Variants in BACH2 observed in about 807,000 individuals in gnomAD.
BACH2 encodes transcription regulator protein BACH2.
BACH2 carries 5 observed loss-of-function variants against 61.8 expected under a neutral mutation model. That is an observed-to-expected ratio of 0.08 (90% confidence interval 0.04 to 0.17). The LOEUF is 0.17. Among genes scored for constraint, BACH2 ranks in the 10% least tolerant of loss-of-function variants. BACH2 has a pLI of 1.00. For missense variants in BACH2, 824 were observed against 1,091.1 expected, an observed-to-expected ratio of 0.76 and a Z score of 3.45; for synonymous variants, 446 against 440.1, an observed-to-expected ratio of 1.01 and a Z score of -0.17.
chr6:90,195,516 C>G (rs1768727840), intron 4 of BACH2, among the ~76,000 whole-genome samples: 1 of 151,542 alleles, frequency 6.6e-6, no homozygotes, highest in Admixed American at 6.6e-5. Context: ...TCTGTGAGAT[C>G]AAAGCCAGCG....
intron 3 of BACH2, among the ~76,000 whole-genome samples, chr6:90,207,269 C>T (rs529016246): frequency 1.4e-3 from 208 of 152,120 alleles, no homozygotes; most frequent in African/African-American, 4.0e-3. Context: ...CAGGCGTGCA[C>T]CACTATGTCC....
intron 4 of BACH2, among the ~76,000 whole-genome samples, chr6:90,158,000 C>T (rs994304915): frequency 2.6e-5 from 4 of 151,942 alleles, no homozygotes; most frequent in Admixed American, 6.6e-5. Context: ...GTCATGAGAG[C>T]GTTAACTGAG....
intron 5 of BACH2, among the ~76,000 whole-genome samples, chr6:90,079,477 C>T (rs1237852429): frequency 6.6e-6 from 1 of 152,162 alleles, no homozygotes; most frequent in East Asian, 1.9e-4. Context: ...TTCTTTCTTC[C>T]TTCCATCAAC....
intron 2 of BACH2, among the ~76,000 whole-genome samples, chr6:90,271,374 AAAAAAAAAG>A (rs1416543922): frequency 8.0e-5 from 12 of 150,740 alleles, no homozygotes; most frequent in Non-Finnish European, 1.5e-4. Context: ...TTTAAAAAAA[AAAAAAAAAG>A]AAAAAAGAAA....
chr6:90,190,322 A>G lies in BACH2; in HGVS notation c.-162+16247T>C, dbSNP rs1189943796. Among the ~76,000 whole-genome samples, 12 of 152,240 alleles carry G rather than the reference A, an allele frequency of 7.9e-5. No individual in the cohort carries two copies. In the East Asian group the frequency reaches 2.1e-3, roughly 27 times the overall value. On this transcript the variant is annotated intron_variant, in intron 4 of 8. Transcript: ENST00000257749. The stretch of plus-strand genomic sequence containing the variant: ...AAAGTGCTATTTTAAATGACTCTTT[A>G]AGCTACCATTACAGATAACTGTAAG...
intron 1 of BACH2, among the ~76,000 whole-genome samples, chr6:90,284,467 A>G (rs1771956420): frequency 6.6e-6 from 1 of 152,186 alleles, no homozygotes; most frequent in Non-Finnish European, 1.5e-5. Context: ...TCCGCAATAG[A>G]TGCTGTGTAG....
intron 5 of BACH2, among the ~76,000 whole-genome samples, chr6:90,021,578 C>T (rs1778379203): frequency 6.6e-6 from 1 of 152,106 alleles, no homozygotes; most frequent in South Asian, 2.1e-4. Context: ...AATTCCTGCT[C>T]TTATAAAACA....
chr6:89,962,512 C>T (rs947561988), intron 6 of BACH2, among the ~76,000 whole-genome samples: 8 of 152,228 alleles, frequency 5.3e-5, no homozygotes, highest in East Asian at 1.9e-4. Context: ...TTCTTGAACG[C>T]CTTATTTGTG....
At chr6:89,973,437 T>C (rs1210659378) in intron 6 of BACH2, among the ~76,000 whole-genome samples, 2 of 152,202 alleles carry the variant, frequency 1.3e-5, no homozygotes, top group Admixed American at 6.5e-5. Flanking sequence ...ACCAGTTCTA[T>C]GACCAGGGTC....
At chr6:90,006,986 A>G (rs900435207) in intron 6 of BACH2, among the ~76,000 whole-genome samples, 1 of 152,150 alleles carries the variant, frequency 6.6e-6, no homozygotes, top group African/African-American at 2.4e-5. Context: ...TTGCTTAACA[A>G]GGGTCTGGGA....
chr6:90,222,147 AC>A (rs1769757135), intron 3 of BACH2, among the ~76,000 whole-genome samples: 3 of 152,340 alleles, frequency 2.0e-5, no homozygotes, highest in Admixed American at 2.0e-4. Context: ...TTCTACACTT[AC>A]GGCACATCTC....
intron 5 of BACH2, among the ~76,000 whole-genome samples, chr6:90,011,339 A>G (rs1777696338): frequency 6.6e-6 from 1 of 152,152 alleles, no homozygotes; most frequent in Non-Finnish European, 1.5e-5. Flanking sequence ...TTGTATTTTT[A>G]CTGAAAATCA....
rs1289791953 is a variant in BACH2 at position 89,927,376 on chromosome 6, A to T, written c.*5032T>A. 6.5e-6 allele frequency: 1 copy of T among 152,838 alleles called. No individual in the cohort carries two copies. The highest frequency in any genetic ancestry group is 1.5e-5 in the Non-Finnish European group (1 of 68,052). 9.5% of individuals were successfully genotyped at this position (152,838 alleles called of 1,614,324 possible). A position where few individuals can be genotyped will look rare whatever the true frequency, so the allele number is the denominator to read the frequency against. On this transcript the variant is annotated 3_prime_UTR_variant, in exon 9 of 9. Transcript: ENST00000257749. ...TGTTTTGGTAGAAGACTGAGCATCC[A>T]TCTGTAGGAAAACCCCTCTTTGTCC...
At chr6:90,045,725 T>C (rs778288193) in intron 5 of BACH2, among the ~76,000 whole-genome samples, 1 of 152,200 alleles carries the variant, frequency 6.6e-6, no homozygotes, top group African/African-American at 2.4e-5. Flanking sequence ...TCTCATCCCA[T>C]GTAAAAACAC....
intron 6 of BACH2, among the ~76,000 whole-genome samples, chr6:89,952,373 C>G (rs954002117): frequency 6.6e-6 from 1 of 152,196 alleles, no homozygotes. Flanking sequence ...TCCTCACTTA[C>G]AATGTTAAAA....
intron 5 of BACH2, among the ~76,000 whole-genome samples, chr6:90,082,246 C>T (rs1200075591): frequency 6.6e-6 from 1 of 152,084 alleles, no homozygotes; most frequent in African/African-American, 2.4e-5. Context: ...GACCTAACAC[C>T]AAAGCCATCT....
intron 4 of BACH2, among the ~76,000 whole-genome samples, chr6:90,100,674 CCTCT>C (rs1220865219): frequency 3.3e-5 from 5 of 150,446 alleles, no homozygotes; most frequent in African/African-American, 7.4e-5. Context: ...CTGTCCCTTT[CCTCT>C]CTCTCTCTAC....
At chr6:90,158,695 C>T (rs562110325) in intron 4 of BACH2, among the ~76,000 whole-genome samples, 1 of 151,576 alleles carries the variant, frequency 6.6e-6, no homozygotes, top group African/African-American at 2.4e-5. Flanking sequence ...AATTTACTTC[C>T]CTCTCCTATT....
rs747888339 is a variant in BACH2 at position 89,985,370 on chromosome 6, G to A, written c.243+23232C>T. On this transcript the variant is annotated intron_variant, in intron 6 of 8. Transcript: ENST00000257749. ...GTGGGTGGCCTCAGGGGGCCCTGGC[G>A]GCAGCTTCCAGCCTCTGTGGTGACA... Among the ~76,000 whole-genome samples the A allele has an allele frequency of 2.8e-4, 42 of 152,258 alleles. No individual in the cohort carries two copies. In the South Asian group the frequency reaches 4.1e-3, roughly 15 times the overall value.
Sources: allele counts gnomAD v4.1 joint callset (sites outside exome capture counted in the v4.1 genomes callset), GRCh38; gene constraint gnomAD v4.1.1; transcripts MANE v1.5; gene names NCBI Gene and HGNC (gene_info 2026-07-23, HGNC 2026-07-21).